DNAH10: variants seen among roughly 807,000 people sequenced by gnomAD.
DNAH10 encodes dynein axonemal heavy chain 10.
DNAH10 carries 348 observed loss-of-function variants against 506.6 expected under a neutral mutation model. The ratio of observed to expected loss-of-function variants is 0.69; its 90% CI spans 0.63 to 0.75. DNAH10 has a LOEUF of 0.75. Among genes scored for constraint, DNAH10 ranks in the 30% least tolerant of loss-of-function variants. The pLI is 0.00. For missense variants in DNAH10, 5,179 were observed against 5,787.1 expected (o/e 0.89, Z 3.41); for synonymous variants, 2,059 against 2,198.6 (o/e 0.94, Z 1.78).
chr12:123,885,282 C>T lies in DNAH10; in HGVS notation c.8824-1860C>T, dbSNP rs148066477. ...CTTATGTCATTTTTCCCCACTGTGTCACTGCGTCTTTCCAAGTCAATAAAT... is the reference window on the plus strand; with the variant it reads ...CTTATGTCATTTTTCCCCACTGTGTTACTGCGTCTTTCCAAGTCAATAAAT... On this transcript the variant is annotated intron_variant, in intron 51 of 78. Transcript: ENST00000673944. 8.5e-5 allele frequency among the ~76,000 whole-genome samples: 13 copies of T among 152,348 alleles called. No homozygotes were observed. In the East Asian group the frequency reaches 2.5e-3, roughly 29 times the overall value.
At position 123,813,805 on chromosome 12, in the gene DNAH10, T is replaced by TA. The variant is rs1959038485; in HGVS notation, c.3673_3674insA (p.Phe1225TyrfsTer10). ...CCCCAATACCCTTGAAGATCTCAAGTTTGTCCTTGCAACAATTGCAGAAAT... is the reference window on the plus strand; with the variant it reads ...CCCCAATACCCTTGAAGATCTCAAGTATTGTCCTTGCAACAATTGCAGAAAT... On this transcript the variant is annotated frameshift_variant, in exon 21 of 79. Transcript: ENST00000673944. LOFTEE classifies it high-confidence loss of function. 6.2e-7 allele frequency: 1 copy of TA among 1,613,212 alleles called. No individual in the cohort carries two copies. Among genetic ancestry groups the TA allele is most frequent in the East Asian group, 2.2e-5 (1 of 44,900 alleles).
In DNAH10 at chr12:123,926,776, G is replaced by A; in HGVS notation, c.12061G>A (p.Gly4021Arg). 3.7e-6 allele frequency: 6 copies of A among 1,613,974 alleles called. No individual in the cohort carries two copies. Among genetic ancestry groups the A allele is most frequent in the East Asian group, 2.2e-5 (1 of 44,882 alleles). Residue 4021 changes from glycine (G) to arginine (R), a missense_variant, in exon 69 of 79, where the codon GGA (glycine) becomes AGA (arginine). Physicochemically the swap from Gly to Arg is moderately radical, Grantham distance 125. Around this residue, in one of 3 missense-constraint regions of DNAH10, gnomAD observed 4,844 missense variants for 5,430.5 expected, o/e 0.89. Transcript: ENST00000673944. This position sits in a 1 kb window ranked among gnomAD's most constrained non-coding sequence, Gnocchi z 4.1. ...MKLAERSGFGGNRLKFLAMGQ... is the reference protein window; with the variant it reads ...MKLAERSGFGRNRLKFLAMGQ... ...ATTAGCAGAGCGAAGTGGTTTTGGA[G>A]GAAATCGCCTCAAATTCCTTGCAAT...
intron 21 of DNAH10, among the ~76,000 whole-genome samples, chr12:123,815,980 A>G (rs1288203714): frequency 1.3e-5 from 2 of 152,204 alleles, no homozygotes; most frequent in Non-Finnish European, 2.9e-5. Context: ...TATGCAATCA[A>G]TTTTTGGCCC....
chr12:123,871,439 T>C lies in DNAH10; in HGVS notation c.7640-18T>C, dbSNP rs1306034158. ...ATTGGAGTTGCTGAGATGCCCCTGT[T>C]CCTAATGTCTACTTTAGTTCACACA... On this transcript the variant is annotated intron_variant, in intron 44 of 78. Transcript: ENST00000673944. 4 of 1,583,834 alleles carry C rather than the reference T, an allele frequency of 2.5e-6. No individual in the cohort carries two copies. The highest frequency in any genetic ancestry group is 3.6e-5 in the Admixed American group (2 of 55,938).
intron 19 of DNAH10, among the ~76,000 whole-genome samples, chr12:123,811,362 C>T (rs1296827105): frequency 1.3e-5 from 2 of 148,568 alleles, no homozygotes; most frequent in African/African-American, 5.0e-5. Flanking sequence ...CTTGCTCTTT[C>T]ACCAGGCTGA....
intron 19 of DNAH10, among the ~76,000 whole-genome samples, chr12:123,809,610 C>T (rs1958847797): frequency 6.6e-6 from 1 of 151,892 alleles, no homozygotes; most frequent in Non-Finnish European, 1.5e-5. Flanking sequence ...GGTTGCACCA[C>T]TGCACTCCAG....
chr12:123,865,954 G>T lies in DNAH10; in HGVS notation c.7048G>T (p.Gly2350Ter), dbSNP rs1195467931. The change falls in exon 41 of 79, where the codon GGA (glycine) becomes TGA (stop). Residue 2350 changes from glycine (G) to a stop codon, truncating the protein, a stop_gained. Transcript: ENST00000673944. LOFTEE classifies it high-confidence loss of function. The stretch of plus-strand genomic sequence containing the variant: ...TTGATTTTCTTTATTTATCCAGGTT[G>T]GAGATTTACAGTATGCCTCCCCTGC... ...QAHCALLFEVGDLQYASPATV... is the reference protein window; with the variant it reads ...QAHCALLFEV 1 of 1,601,530 alleles carries T rather than the reference G, an allele frequency of 6.2e-7. No homozygotes were observed. Among genetic ancestry groups the T allele is most frequent in the Non-Finnish European group, 8.5e-7 (1 of 1,175,772 alleles).
chr12:123,792,451 C>CTTTTTTTT (rs78654407), intron 11 of DNAH10, among the ~76,000 whole-genome samples: 15 of 133,500 alleles, frequency 1.1e-4, no homozygotes, highest in Non-Finnish European at 1.6e-4. Flanking sequence ...TTCCTTTGTC[C>CTTTTTTTT]TTTTTTTTTT....
chr12:123,874,353 A>G (rs1417283675), intron 46 of DNAH10, among the ~76,000 whole-genome samples: 1 of 146,344 alleles, frequency 6.8e-6, no homozygotes, highest in Non-Finnish European at 1.5e-5. Flanking sequence ...TCATCCATCC[A>G]TGTGTCTGTT....
intron 78 of DNAH10, 152 bp downstream of exon 78, chr12:123,934,918 A>G: frequency 9.6e-7 from 1 of 1,040,436 alleles, no homozygotes; most frequent in Non-Finnish European, 1.4e-6. Flanking sequence ...GATAAAAGCT[A>G]CGGATAGCTG....
In DNAH10 at chr12:123,789,910, T is replaced by C. The variant is rs200016913; in HGVS notation, c.1621-17T>C. ...AACCCAAATGTAATCTCCTCATTGT[T>C]CCGTTTGATTGGACAGATTTTGGAG... On this transcript the variant is annotated splice_polypyrimidine_tract_variant and intron_variant, in intron 10 of 78. Coordinates refer to ENST00000673944, the MANE Select transcript of DNAH10 (RefSeq NM_001372106.1). 56 of 1,605,646 alleles carry C rather than the reference T, an allele frequency of 3.5e-5. 1 individual carries two copies. In the East Asian group the frequency reaches 1.2e-3, roughly 34 times the overall value.
intron 52 of DNAH10, among the ~76,000 whole-genome samples, chr12:123,891,979 G>T (rs367584468): frequency 6.6e-6 from 1 of 152,210 alleles, no homozygotes; most frequent in African/African-American, 2.4e-5. Context: ...CCCACCAGGG[G>T]AGCTAGTTGG....
chr12:123,774,326 A>T, intron 5 of DNAH10, 62 bp downstream of exon 5: 1 of 1,309,280 alleles, frequency 7.6e-7, no homozygotes, highest in Non-Finnish European at 1.1e-6. Context: ...TGGTTTGTTT[A>T]TTCCACAAAT....
rs1229576038 is a variant in DNAH10, at chr12:123,918,969, G to A, written c.11506+20G>A. 3 of 1,590,434 alleles carry A rather than the reference G, an allele frequency of 1.9e-6. No individual in the cohort carries two copies. Among genetic ancestry groups the A allele is most frequent in the Non-Finnish European group, 2.6e-6 (3 of 1,165,502 alleles). Reference sequence around the variant, plus strand: ...GCACAGGTGAGCTCTCCCCACAGAGGAGGACATGTTAGTGTAGTTTGGTGT... The same window carrying A: ...GCACAGGTGAGCTCTCCCCACAGAGAAGGACATGTTAGTGTAGTTTGGTGT... On this transcript the variant is annotated intron_variant, in intron 65 of 78. Coordinates refer to ENST00000673944, the MANE Select transcript of DNAH10 (RefSeq NM_001372106.1).
At position 123,805,021 on chromosome 12, in the gene DNAH10, C is replaced by T. The variant is rs763953130; in HGVS notation, c.2968C>T (p.Leu990=). The change falls in exon 18 of 79, where the codon CTG becomes TTG. Residue 990 remains leucine (L), a synonymous_variant. Coordinates refer to ENST00000673944, the MANE Select transcript of DNAH10 (RefSeq NM_001372106.1). ...CTGGGAAAAGAAAATTTATGAGGTC[C>T]TGACAAAGCTCATCCTGAAGTAAGT... ...KYWEKKIYEV[L]TKLILKNLQS... is the part of the protein sequence containing the mutation. 6.2e-7 allele frequency: 1 copy of T among 1,614,198 alleles called. No homozygotes were observed. Among genetic ancestry groups the T allele is most frequent in the South Asian group, 1.1e-5 (1 of 91,086 alleles).
At position 123,928,660 on chromosome 12, in the gene DNAH10, G is replaced by C. The variant is rs537627592; in HGVS notation, c.12306+73G>C. On this transcript the variant is annotated intron_variant, in intron 70 of 78. Coordinates refer to ENST00000673944, the MANE Select transcript of DNAH10 (RefSeq NM_001372106.1). The surrounding 1 kb of genome is among the most constrained non-coding windows in gnomAD (Gnocchi z 4.9). The stretch of plus-strand genomic sequence containing the variant: ...AACACCTGCATGCTGCTCTGGGGCC[G>C]GGGTGTGCCTTTGTCTGTGTAGAAA... The C allele has an allele frequency of 3.4e-6, 5 of 1,481,688 alleles. No individual in the cohort carries two copies. In the African/African-American group the frequency reaches 7.0e-5, roughly 21 times the overall value. The allele number at this position is 1,481,688 out of a possible 1,614,324, so 91.8% of individuals were successfully genotyped here.
chr12:123,859,140 T>A lies in DNAH10; in HGVS notation c.6631-10T>A. On this transcript the variant is annotated splice_polypyrimidine_tract_variant and intron_variant, in intron 37 of 78. Transcript: ENST00000673944. ...ATGTTTTAGCCCAGCTGCCATTGTT[T>A]GTCCCGCAGGTGGATAAAGTGGTTC... The A allele has an allele frequency of 6.2e-7, 1 of 1,603,902 alleles. No individual in the cohort carries two copies. The highest frequency in any genetic ancestry group is 2.2e-5 in the East Asian group (1 of 44,648).
chr12:123,849,688 G>A (rs546598261), intron 34 of DNAH10, among the ~76,000 whole-genome samples: 1 of 152,180 alleles, frequency 6.6e-6, no homozygotes, highest in Non-Finnish European at 1.5e-5. Flanking sequence ...GAGTGGAATT[G>A]TCCCTTCTTC....
Position 123,766,287 on chromosome 12 carries a change from GCCTA to G in DNAH10, c.215-1295_215-1292del, listed in dbSNP as rs146604271. On this transcript the variant is annotated intron_variant, in intron 1 of 78. Coordinates refer to ENST00000673944, the MANE Select transcript of DNAH10 (RefSeq NM_001372106.1). ...CAGGGCTGTTGAGATCAATTAATCAGCCTACCTACCTACCTACCTACCTACCTGC... is the reference window on the plus strand; with the variant it reads ...CAGGGCTGTTGAGATCAATTAATCAGCCTACCTACCTACCTACCTACCTGC... Among the ~76,000 whole-genome samples, 436 of 150,602 alleles carry G rather than the reference GCCTA, an allele frequency of 2.9e-3. 6 individuals are homozygous for G. The highest frequency in any genetic ancestry group is 0.016 in the South Asian group (77 of 4,718).
Sources: allele counts gnomAD v4.1 joint callset (sites outside exome capture counted in the v4.1 genomes callset), GRCh38; gene constraint gnomAD v4.1.1; regional missense constraint gnomAD v4.1.1; non-coding constraint Gnocchi (gnomAD v3.1); transcripts MANE v1.5; gene names NCBI Gene and HGNC (gene_info 2026-07-23, HGNC 2026-07-21).